Variants in ULK4 observed in about 807,000 individuals in gnomAD.
ULK4 encodes inactive serine/threonine-protein kinase ULK4.
Under a neutral mutation model 160.6 loss-of-function variants are expected in ULK4, and 133 were observed. The ratio of observed to expected loss-of-function variants is 0.83; its 90% CI spans 0.72 to 0.96. The LOEUF (loss-of-function observed/expected upper bound fraction) is 0.96. ULK4 is among the 40% of genes least tolerant of loss of function. ULK4 has a pLI of 0.00. For missense variants in ULK4, 1,580 were observed against 1,499.5 expected, an observed-to-expected ratio of 1.05 and a Z score of -0.89; for synonymous variants, 534 against 539.8, an observed-to-expected ratio of 0.99 and a Z score of 0.15.
At chr3:41,635,239 G>A (rs967211043) in intron 30 of ULK4, among the ~76,000 whole-genome samples, 1 of 152,110 alleles carries the variant, frequency 6.6e-6, no homozygotes, top group Non-Finnish European at 1.5e-5. Flanking sequence ...TAAGACTGAT[G>A]ATCAACTTGA....
Position 41,938,085 on chromosome 3 carries a change from T to A in ULK4, c.238+13A>T, listed in dbSNP as rs752651307. The A allele has an allele frequency of 6.4e-7, 1 of 1,574,068 alleles. No individual in the cohort carries two copies. The highest frequency in any genetic ancestry group is 8.6e-7 in the Non-Finnish European group (1 of 1,157,298). ...TACTATATTCATAGCACTTTTTACATACTCTTTCTTACCTGTGCAGAGTTC... is the reference window on the plus strand; with the variant it reads ...TACTATATTCATAGCACTTTTTACAAACTCTTTCTTACCTGTGCAGAGTTC... On this transcript the variant is annotated intron_variant, in intron 3 of 36. Coordinates refer to ENST00000301831, the MANE Select transcript of ULK4 (RefSeq NM_017886.4).
intron 32 of ULK4, among the ~76,000 whole-genome samples, chr3:41,504,992 A>G (rs560516149): frequency 6.6e-6 from 1 of 152,322 alleles, no homozygotes; most frequent in South Asian, 2.1e-4. Flanking sequence ...CAGATGAGGA[A>G]GAAGTTCAGA....
intron 35 of ULK4, among the ~76,000 whole-genome samples, chr3:41,378,887 G>A (rs34306571): frequency 0.011 from 1,735 of 152,134 alleles, 94 homozygotes; most frequent in Admixed American, 0.08. Flanking sequence ...AAAAAAGAAT[G>A]AGTTCAAGTC....
intron 32 of ULK4, among the ~76,000 whole-genome samples, chr3:41,467,148 T>C (rs2083856229): frequency 6.6e-6 from 1 of 152,174 alleles, no homozygotes; most frequent in Non-Finnish European, 1.5e-5. Context: ...TACCATATTA[T>C]CCAGAAATCT....
chr3:41,336,730 T>C (rs1285093927), intron 35 of ULK4, among the ~76,000 whole-genome samples: 1 of 152,212 alleles, frequency 6.6e-6, no homozygotes, highest in Non-Finnish European at 1.5e-5. Flanking sequence ...AGCCTGGGAT[T>C]GGATGGTACC....
At chr3:41,586,648 G>GTGGT (rs1224938328) in intron 31 of ULK4, among the ~76,000 whole-genome samples, 2 of 152,082 alleles carry the variant, frequency 1.3e-5, no homozygotes, top group Non-Finnish European at 2.9e-5. Context: ...TTAATGTTAT[G>GTGGT]TGGTTTTTGC....
chr3:41,415,522 C>CG (rs776700145), intron 34 of ULK4, among the ~76,000 whole-genome samples: 1 of 152,172 alleles, frequency 6.6e-6, no homozygotes, highest in Non-Finnish European at 1.5e-5. Context: ...TTATCAAGCA[C>CG]GGTGCCGCTC....
At chr3:41,304,509 G>A (rs1018803228) in intron 35 of ULK4, among the ~76,000 whole-genome samples, 1 of 152,148 alleles carries the variant, frequency 6.6e-6, no homozygotes, top group Admixed American at 6.5e-5. Context: ...GTAACACTTA[G>A]GTTCTTAGTT....
chr3:41,541,546 T>C (rs534235564), intron 32 of ULK4, among the ~76,000 whole-genome samples: 12 of 152,310 alleles, frequency 7.9e-5, no homozygotes, highest in African/African-American at 2.2e-4. Flanking sequence ...TTAAAGTAGT[T>C]TGTTCCAATT....
chr3:41,563,545 C>T (rs113090111), intron 32 of ULK4, among the ~76,000 whole-genome samples: 13 of 152,254 alleles, frequency 8.5e-5, no homozygotes, highest in African/African-American at 2.9e-4. Context: ...TTCTTGGAGG[C>T]TTTGTTCGTT....
At chr3:41,651,200 T>A (rs770080690) in intron 30 of ULK4, among the ~76,000 whole-genome samples, 3 of 152,206 alleles carry the variant, frequency 2.0e-5, no homozygotes, top group Non-Finnish European at 4.4e-5. Context: ...GATATTGTTA[T>A]TCTCTCCTTC....
intron 33 of ULK4, among the ~76,000 whole-genome samples, chr3:41,459,711 G>T (rs779124793): frequency 6.6e-6 from 1 of 152,098 alleles, no homozygotes; most frequent in African/African-American, 2.4e-5. Context: ...GTCATATGGA[G>T]TACAAATATT....
intron 35 of ULK4, among the ~76,000 whole-genome samples, chr3:41,380,805 G>A (rs2081633111): frequency 2.0e-5 from 3 of 152,026 alleles, no homozygotes; most frequent in Admixed American, 2.0e-4. Flanking sequence ...TCTATTCACT[G>A]TGCCCTTTGG....
intron 6 of ULK4, among the ~76,000 whole-genome samples, chr3:41,919,497 G>A (rs1179971099): frequency 6.6e-6 from 1 of 152,146 alleles, no homozygotes; most frequent in African/African-American, 2.4e-5. Flanking sequence ...AGCTACTCGG[G>A]AAGCTGAGAC....
At chr3:41,801,527 T>A in intron 19 of ULK4, among the ~76,000 whole-genome samples, 1 of 141,222 alleles carries the variant, frequency 7.1e-6, no homozygotes, top group African/African-American at 2.8e-5. Context: ...ATAATCAGAC[T>A]GCTTTAAAAA....
chr3:41,801,365 C>A (rs925327268), intron 19 of ULK4, among the ~76,000 whole-genome samples: 5 of 151,848 alleles, frequency 3.3e-5, no homozygotes, highest in Admixed American at 6.6e-5. Flanking sequence ...CTGTAGGACG[C>A]CTTCAAAAGA....
chr3:41,656,816 A>G (rs1306829813), intron 30 of ULK4, among the ~76,000 whole-genome samples: 1 of 152,166 alleles, frequency 6.6e-6, no homozygotes, highest in Non-Finnish European at 1.5e-5. Context: ...TACAGAACAT[A>G]AACAATTTTT....
In ULK4 at chr3:41,953,287, T is replaced by TATAC. The variant is rs1208834728; in HGVS notation, c.138+1334_138+1335insGTAT. On this transcript the variant is annotated intron_variant, in intron 2 of 36. Coordinates refer to ENST00000301831, the MANE Select transcript of ULK4 (RefSeq NM_017886.4). ...ATACACATATATACATATATACACA[T>TATAC]ATATATATATATATATATTTTTTTT... is the stretch of plus-strand genomic sequence containing the variant. Among the ~76,000 whole-genome samples, 310 of 35,278 alleles carry TATAC rather than the reference T, an allele frequency of 8.8e-3. 11 individuals carry two copies. Among genetic ancestry groups the TATAC allele is most frequent in the South Asian group, 0.019 (17 of 878 alleles). The allele number at this position is 35,278 out of a possible 152,430, so 23.1% of individuals were successfully genotyped here.
intron 34 of ULK4, among the ~76,000 whole-genome samples, chr3:41,441,628 T>C (rs2083172425): frequency 6.6e-6 from 1 of 152,116 alleles, no homozygotes; most frequent in South Asian, 2.1e-4. Context: ...TGGTATATCT[T>C]GGTAAAATGT....
Sources: allele counts gnomAD v4.1 joint callset (sites outside exome capture counted in the v4.1 genomes callset), GRCh38; gene constraint gnomAD v4.1.1; transcripts MANE v1.5; gene names NCBI Gene and HGNC (gene_info 2026-07-23, HGNC 2026-07-21).